The following RER1 variants were observed in gnomAD, a reference collection of about 807,000 sequenced individuals.
RER1 encodes protein RER1.
Under a neutral mutation model 28.3 loss-of-function variants are expected in RER1, and 6 were observed. That is an observed-to-expected ratio of 0.21 (90% CI 0.12 to 0.42). The LOEUF (loss-of-function observed/expected upper bound fraction) is 0.42, where lower values mean the gene tolerates loss of function less well. Among genes scored for constraint, RER1 ranks in the 10% least tolerant of loss-of-function variants. RER1 has a pLI of 1.00. For missense variants in RER1, 159 were observed against 252.9 expected (o/e 0.63, Z 2.52); for synonymous variants, 110 against 95.9 (o/e 1.15, Z -0.86).
At chr1:2,396,078 A>G in intron 2 of RER1, 1 of 571,986 alleles carries the variant, frequency 1.7e-6, no homozygotes, top group Non-Finnish European at 3.1e-6. Context: ...TCTATCAAAC[A>G]TATGCGTTTT....
chr1:2,402,361 C>G lies in RER1; in HGVS notation c.501+19C>G, dbSNP rs369626233. On this transcript the variant is annotated intron_variant, in intron 6 of 6. Transcript: ENST00000605895. ...AATCAAGGTAAAGCAGAGGCGCTGC[C>G]GCCACGCCGGCCGCAATCGCTGTTC... 1 of 1,613,736 alleles carries G rather than the reference C, an allele frequency of 6.2e-7. No individual in the cohort carries two copies. Among genetic ancestry groups the G allele is most frequent in the African/African-American group, 1.3e-5 (1 of 75,036 alleles).
intron 5 of RER1, 46 bp from the exon 6 acceptor site, chr1:2,402,161 G>C: frequency 6.2e-7 from 1 of 1,613,908 alleles, no homozygotes; most frequent in Non-Finnish European, 8.5e-7. Context: ...GCAGGTGCCC[G>C]GTGCTGGCTG....
At position 2,405,299 on chromosome 1, in the gene RER1, C is replaced by T; in HGVS notation, c.*2175C>T. On this transcript the variant is annotated 3_prime_UTR_variant, in exon 7 of 7. Transcript: ENST00000605895. ...CATGGGGCCGTGGGGCTGCTGTTCTCACTGCACTGGCTGAAGCAACCCGCC... is the reference window on the plus strand; with the variant it reads ...CATGGGGCCGTGGGGCTGCTGTTCTTACTGCACTGGCTGAAGCAACCCGCC... 3.2e-6 allele frequency: 1 copy of T among 317,408 alleles called. No individual in the cohort carries two copies. The highest frequency in any genetic ancestry group is 8.9e-5 in the East Asian group (1 of 11,294). 19.7% of individuals were successfully genotyped at this position (317,408 alleles called of 1,614,324 possible).
chr1:2,403,166 T>G lies in RER1; in HGVS notation c.*42T>G. The G allele has an allele frequency of 6.7e-7, 1 of 1,498,916 alleles. No individual in the cohort carries two copies. Among genetic ancestry groups the G allele is most frequent in the South Asian group, 1.1e-5 (1 of 88,602 alleles). 92.9% of individuals were successfully genotyped at this position (1,498,916 alleles called of 1,614,324 possible). A position where few individuals can be genotyped will look rare whatever the true frequency, so the allele number is the denominator to read the frequency against. ...GCCTCACGTGTTGCAAGAACAGTTT[T>G]GAGCCATTGTTAACAATGCCTTTTT... On this transcript the variant is annotated 3_prime_UTR_variant, in exon 7 of 7. Transcript: ENST00000605895.
intron 5 of RER1, among the ~76,000 whole-genome samples, chr1:2,401,720 A>G (rs1404275868): frequency 1.3e-5 from 2 of 152,048 alleles, no homozygotes; most frequent in East Asian, 3.9e-4. Context: ...TGTGGTACAG[A>G]AAGATCAGGG....
intron 3 of RER1, among the ~76,000 whole-genome samples, chr1:2,397,887 T>C (rs536271398): frequency 1.3e-5 from 2 of 152,336 alleles, no homozygotes; most frequent in East Asian, 1.9e-4. Context: ...CATAATCTTA[T>C]GTGCAGAGCA....
chr1:2,399,738 C>T (rs1642817857), intron 4 of RER1, among the ~76,000 whole-genome samples: 4 of 152,196 alleles, frequency 2.6e-5, no homozygotes, highest in Admixed American at 6.5e-5. Context: ...GATGAGGAAA[C>T]TGAGGCATAC....
At chr1:2,398,586 A>G (rs1489975229) in intron 3 of RER1, among the ~76,000 whole-genome samples, 1 of 152,152 alleles carries the variant, frequency 6.6e-6, no homozygotes, top group Non-Finnish European at 1.5e-5. Flanking sequence ...ACGAGGTTTC[A>G]CCATGTTGGC....
intron 1 of RER1, among the ~76,000 whole-genome samples, chr1:2,393,691 G>C (rs1036930385): frequency 6.6e-6 from 1 of 152,228 alleles, no homozygotes; most frequent in African/African-American, 2.4e-5. Context: ...CTGGCAGAGA[G>C]TGGTAGAGCC....
At chr1:2,401,396 CCCTCCTCCTCCCTCCTTCCTCCTT>C (rs1642859345) in intron 5 of RER1, among the ~76,000 whole-genome samples, 2 of 80,626 alleles carry the variant, frequency 2.5e-5, no homozygotes, top group Non-Finnish European at 2.5e-5. Flanking sequence ...CCCTCCTCCT[CCCTCCTCCTCCCTCCTTCCTCCTT>C]CCTCTCTCCC....
chr1:2,399,501 A>C lies in RER1; in HGVS notation c.273A>C (p.Leu91Phe). The C allele has an allele frequency of 6.2e-7, 1 of 1,606,888 alleles. No homozygotes were observed. Among genetic ancestry groups the C allele is most frequent in the Non-Finnish European group, 8.5e-7 (1 of 1,173,476 alleles). ...AFLSPKVDPSLMEDSDDGPSL... is the reference protein window; with the variant it reads ...AFLSPKVDPSFMEDSDDGPSL... ...TTTCTCCCAAAGTGGATCCTTCCTTAATGGAAGACTCAGGTAGGGTAGCGG... is the reference window on the plus strand; with the variant it reads ...TTTCTCCCAAAGTGGATCCTTCCTTCATGGAAGACTCAGGTAGGGTAGCGG... The change falls in exon 4 of 7, where the codon TTA (leucine) becomes TTC (phenylalanine). Residue 91 changes from leucine (L) to phenylalanine (F), a missense_variant. Physicochemically the swap from Leu to Phe is conservative, Grantham distance 22 (BLOSUM62 0). Transcript: ENST00000605895.
At chr1:2,401,388 C>CT (rs1642858545) in intron 5 of RER1, among the ~76,000 whole-genome samples, 2 of 60,714 alleles carry the variant, frequency 3.3e-5, no homozygotes, top group African/African-American at 1.4e-4. Flanking sequence ...CTCCTCCTCC[C>CT]TCCTCCTCCC....
At chr1:2,402,742 T>G (rs566206445) in intron 6 of RER1, among the ~76,000 whole-genome samples, 1 of 152,170 alleles carries the variant, frequency 6.6e-6, no homozygotes, top group Admixed American at 6.5e-5. Flanking sequence ...CGGGCCTCAC[T>G]CTGTGCCCGG....
rs1642907232 is a variant in RER1 at position 2,403,564 on chromosome 1, G to C, written c.*440G>C. ...GGATGATCTAGCCTGATTCCTGCGT[G>C]TCCGAAAGAACTTAACGTTTTAAAG... On this transcript the variant is annotated 3_prime_UTR_variant, in exon 7 of 7. Transcript: ENST00000605895. 1 of 184,970 alleles carries C rather than the reference G, an allele frequency of 5.4e-6. No homozygotes were observed. The highest frequency in any genetic ancestry group is 1.1e-5 in the Non-Finnish European group (1 of 87,334). 11.5% of individuals were successfully genotyped at this position (184,970 alleles called of 1,614,324 possible). A position where few individuals can be genotyped will look rare whatever the true frequency, so the allele number is the denominator to read the frequency against.
At chr1:2,397,532 T>A (rs552683573) in intron 3 of RER1, among the ~76,000 whole-genome samples, 12 of 151,264 alleles carry the variant, frequency 7.9e-5, no homozygotes, top group African/African-American at 2.9e-4. Flanking sequence ...TGCTGCATGA[T>A]GCTCAGGACA....
intron 4 of RER1, among the ~76,000 whole-genome samples, chr1:2,400,492 G>A (rs1021197682): frequency 2.6e-5 from 4 of 152,260 alleles, no homozygotes; most frequent in African/African-American, 4.8e-5. Context: ...CGGGTTCCAC[G>A]GTCAGCGCAT....
At chr1:2,400,797 G>A (rs1642835230) in intron 4 of RER1, 60 bp from the exon 5 acceptor site, 2 of 1,366,612 alleles carry the variant, frequency 1.5e-6, no homozygotes, top group Admixed American at 3.4e-5. Flanking sequence ...GAGGGGAAAA[G>A]GTAGAACTGT....
At chr1:2,398,469 A>T (rs1204611490) in intron 3 of RER1, among the ~76,000 whole-genome samples, 1 of 152,158 alleles carries the variant, frequency 6.6e-6, no homozygotes, top group African/African-American at 2.4e-5. Context: ...GCTCACTGCA[A>T]CCTCCACCTC....
chr1:2,401,406 CCCTCCTT>C lies in RER1; in HGVS notation c.365+483_365+489del, dbSNP rs1240995548. On this transcript the variant is annotated intron_variant, in intron 5 of 6. Transcript: ENST00000605895. ...CTCCTCCCTCCTCCTCCCTCCTCCT[CCCTCCTT>C]CCTCCTTCCTCTCTCCCATCCCCAG... is the stretch of plus-strand genomic sequence containing the variant. Among the ~76,000 whole-genome samples the C allele has an allele frequency of 1.9e-4, 7 of 36,500 alleles. No homozygotes were observed. In the East Asian group the frequency reaches 2.9e-3, roughly 15 times the overall value. 23.9% of individuals were successfully genotyped at this position (36,500 alleles called of 152,430 possible). A position where few individuals can be genotyped will look rare whatever the true frequency, so the allele number is the denominator to read the frequency against.
Sources: gnomAD v4.1 joint callset for allele counts (sites outside exome capture counted in the v4.1 genomes callset) on GRCh38, gnomAD v4.1.1 for gene constraint, MANE v1.5 for transcripts, NCBI Gene and HGNC (gene_info 2026-07-23, HGNC 2026-07-21) for gene names.